The following PLEC variants were observed in gnomAD, a reference collection of about 807,000 sequenced individuals.
PLEC encodes the protein hemidesmosomal protein 1.
Under a neutral mutation model 392.8 loss-of-function variants are expected in PLEC, and 216 were observed. The ratio of observed to expected loss-of-function variants is 0.55; its 90% confidence interval spans 0.49 to 0.62. The LOEUF (loss-of-function observed/expected upper bound fraction) is 0.62, where lower values mean the gene tolerates loss of function less well. PLEC is among the 20% of genes least tolerant of loss of function. The pLI is 0.00. For missense variants in PLEC, 6,863 were observed against 6,563.4 expected, an observed-to-expected ratio of 1.05 and a Z score of -1.58; for synonymous variants, 3,621 against 2,980.6, an observed-to-expected ratio of 1.21 and a Z score of -7.00.
At position 143,938,203 on chromosome 8, in the gene PLEC, C is replaced by T. The variant is rs1478796034; in HGVS notation, c.212G>A (p.Arg71His). 17 of 1,608,006 alleles carry T rather than the reference C, an allele frequency of 1.1e-5. No homozygotes were observed. The highest frequency in any genetic ancestry group is 2.2e-5 in the East Asian group (1 of 44,766). The change falls in exon 3 of 32, where the codon CGC becomes CAC. Residue 71 changes from arginine to histidine, a missense_variant. Physicochemically the swap from Arg to His is conservative, Grantham distance 29 (BLOSUM62 0). Coordinates refer to ENST00000345136, the MANE Select transcript of PLEC (RefSeq NM_201384.3). ...RHISDLYEDL[R>H]DGHNLISLLE... ...CAGGGAGATGAGGTTGTGGCCATCGCGGAGGTCTTCATACAGGTCACTGAT... is the reference window on the plus strand; with the variant it reads ...CAGGGAGATGAGGTTGTGGCCATCGTGGAGGTCTTCATACAGGTCACTGAT...
chr8:143,923,344 C>T lies in PLEC; in HGVS notation c.6585G>A (p.Leu2195=), dbSNP rs1554691966. ...EQELTTLRLQ[L]EETDHQKNLL... Reference sequence around the variant, plus strand: ...GGTTCTTCTGGTGGTCGGTCTCCTCCAGCTGCAGCCGCAGTGTTGTCAGCT... The same window carrying T: ...GGTTCTTCTGGTGGTCGGTCTCCTCTAGCTGCAGCCGCAGTGTTGTCAGCT... The change falls in exon 31 of 32, where the codon CTG becomes CTA. Residue 2195 remains leucine, a synonymous_variant. Coordinates refer to ENST00000345136, the MANE Select transcript of PLEC (RefSeq NM_201384.3). 1 of 1,610,256 alleles carries T rather than the reference C, an allele frequency of 6.2e-7. No individual in the cohort carries two copies. The highest frequency in any genetic ancestry group is 1.7e-5 in the Admixed American group (1 of 59,866).
chr8:143,954,996 C>T (rs1214367042), upstream of PLEC, among the ~76,000 whole-genome samples: 4 of 152,126 alleles, frequency 2.6e-5, no homozygotes, highest in Non-Finnish European at 5.9e-5. The surrounding 1 kb of genome is among the most constrained non-coding windows in gnomAD (Gnocchi z 4.6). Context: ...CGGCAGCTCC[C>T]ACGGGTACGA....
In PLEC at chr8:143,918,374, A is replaced by T; in HGVS notation, c.11447T>A (p.Phe3816Tyr). The change falls in exon 32 of 32, where the codon TTC becomes TAC. Residue 3816 changes from phenylalanine to tyrosine, a missense_variant. By Grantham distance (22) the Phe-to-Tyr change is conservative. Coordinates refer to ENST00000345136, the MANE Select transcript of PLEC (RefSeq NM_201384.3). Reference protein sequence around the residue: ...TGGIVDPRLGFHLPLEVAYQR... With the variant: ...TGGIVDPRLGYHLPLEVAYQR... The stretch of plus-strand genomic sequence containing the variant: ...GTAAGCCACCTCCAGGGGAAGGTGG[A>T]AGCCCAGGCGGGGGTCCACGATGCC... 6.4e-7 allele frequency: 1 copy of T among 1,568,824 alleles called. No individual in the cohort carries two copies. Among genetic ancestry groups the T allele is most frequent in the Non-Finnish European group, 8.6e-7 (1 of 1,163,336 alleles).
rs2131026332 is a variant in PLEC, at chr8:143,919,841, T to C, written c.9980A>G (p.Gln3327Arg). ...CTTGCCGTCCTTGAGCTGCTCAAACTGGGCTCTGCTGAGGACCCCGGAAGC... is the reference window on the plus strand; with the variant it reads ...CTTGCCGTCCTTGAGCTGCTCAAACCGGGCTCTGCTGAGGACCCCGGAAGC... ...LLASGVLSRA[Q>R]FEQLKDGKTT... The change falls in exon 32 of 32, where the codon CAG becomes CGG. Residue 3327 changes from glutamine to arginine, a missense_variant. Physicochemically the swap from Gln to Arg is conservative, Grantham distance 43. Transcript: ENST00000345136. 2 of 1,613,128 alleles carry C rather than the reference T, an allele frequency of 1.2e-6. No homozygotes were observed. Among genetic ancestry groups the C allele is most frequent in the South Asian group, 1.1e-5 (1 of 91,086 alleles).
chr8:143,924,054 G>A lies in PLEC; in HGVS notation c.5875C>T (p.Leu1959=). The change falls in exon 31 of 32, where the codon CTG becomes TTG. Residue 1959 remains leucine (L), a synonymous_variant. Transcript: ENST00000345136. The part of the protein sequence containing the change: ...GRIRSNAEDT[L]RSKEQAELEA... ...AGCTCGGCCTGCTCCTTGCTGCGCA[G>A]CGTGTCCTCCGCGTTGCTGCGGATG... 1.3e-6 allele frequency: 2 copies of A among 1,596,786 alleles called. No individual in the cohort carries two copies. The highest frequency in any genetic ancestry group is 1.3e-5 in the African/African-American group (1 of 74,846).
intron 1 of PLEC, among the ~76,000 whole-genome samples, chr8:143,947,604 G>A (rs1364786944): frequency 6.6e-6 from 1 of 151,812 alleles, no homozygotes; most frequent in Non-Finnish European, 1.5e-5. Context: ...ACAAAAATTA[G>A]CCAGGCATGG....
intron 1 of PLEC, among the ~76,000 whole-genome samples, chr8:143,971,171 G>A (rs577925512): frequency 9.2e-5 from 14 of 152,318 alleles, no homozygotes; most frequent in East Asian, 3.9e-4. Flanking sequence ...GAAGGTCACC[G>A]GAGTGAGGGT....
rs551239875 is a variant in PLEC, at chr8:143,929,333, G to C, written c.3082-52C>G. On this transcript the variant is annotated intron_variant, in intron 24 of 31. Transcript: ENST00000345136. ...CTCATCACCGAGCGCAGCACACAGC[G>C]CCCCTTGAAGGCCAAAGGAGGGAGG... The C allele has an allele frequency of 1.9e-6, 3 of 1,565,940 alleles. No homozygotes were observed. The Middle Eastern group carries it at 5.0e-4, about 262-fold the overall frequency.
upstream of PLEC, among the ~76,000 whole-genome samples, chr8:143,973,887 T>C (rs1833564151): frequency 6.6e-6 from 1 of 151,890 alleles, no homozygotes; most frequent in Non-Finnish European, 1.5e-5. This position sits in a 1 kb window ranked among gnomAD's most constrained non-coding sequence, Gnocchi z 5.6. Flanking sequence ...GCTGAGAACT[T>C]TCCCATTGCA....
rs1389979299 is a variant in PLEC, at chr8:143,965,966, G to A, written c.70+7437C>T. Among the ~76,000 whole-genome samples the A allele has an allele frequency of 3.3e-5, 5 of 152,104 alleles. No individual in the cohort carries two copies. In the East Asian group the frequency reaches 5.8e-4, roughly 18 times the overall value. The stretch of plus-strand genomic sequence containing the variant: ...GCTGCGGCCTAGCCTCCATGTCACC[G>A]CTCTGTCCTGGAGAGGGTTCTCCCT... On this transcript the variant is annotated intron_variant, in intron 1 of 31. Transcript: ENST00000356346.
At chr8:143,936,113 A>T in intron 5 of PLEC, 99 bp from the exon 6 acceptor site, 5 of 1,388,414 alleles carry the variant, frequency 3.6e-6, no homozygotes, top group Non-Finnish European at 4.0e-6. Flanking sequence ...CTCAGCACCC[A>T]GGGGGAGTGC....
rs567478693 is a variant in PLEC at position 143,931,859 on chromosome 8, T to C, written c.2178+78A>G. The C allele has an allele frequency of 1.6e-5, 23 of 1,439,216 alleles. No individual in the cohort carries two copies. The African/African-American group carries it at 2.7e-4, about 17-fold the overall frequency. The allele number at this position is 1,439,216 out of a possible 1,614,324, so 89.2% of individuals were successfully genotyped here. ...CGTCTGCAGACAGGAGGGCTCCTGA[T>C]TGGAGCTGCCGAGGGGGTCCAGGGG... On this transcript the variant is annotated intron_variant, in intron 18 of 31. Coordinates refer to ENST00000345136, the MANE Select transcript of PLEC (RefSeq NM_201384.3).
chr8:143,958,355 C>G (rs1165983321), upstream of PLEC, among the ~76,000 whole-genome samples: 1 of 152,192 alleles, frequency 6.6e-6, no homozygotes, highest in African/African-American at 2.4e-5. The surrounding 1 kb of genome is among the most constrained non-coding windows in gnomAD (Gnocchi z 4.9). Flanking sequence ...TCTCTCCGAG[C>G]CACATCCTTC....
intron 1 of PLEC, among the ~76,000 whole-genome samples, chr8:143,966,736 G>A (rs1833116288): frequency 6.6e-6 from 1 of 152,178 alleles, no homozygotes; most frequent in Admixed American, 6.5e-5. Context: ...TCGGCTCGGG[G>A]GCACAGAAGT....
At chr8:143,952,502 C>T (rs995130452), upstream of PLEC, among the ~76,000 whole-genome samples, 6 of 152,194 alleles carry the variant, frequency 3.9e-5, no homozygotes, top group African/African-American at 1.4e-4. Context: ...GGGTCCAAGC[C>T]TGCCCAGCCC....
chr8:143,953,787 G>A (rs781928232), upstream of PLEC: 20 of 1,611,836 alleles, frequency 1.2e-5, no homozygotes, highest in Admixed American at 1.7e-5. Flanking sequence ...CGCCGGGGCT[G>A]AGGGCGGCTG....
intron 25 of PLEC, among the ~76,000 whole-genome samples, chr8:143,928,561 CACT>C: frequency 1.2e-5 from 1 of 86,614 alleles, no homozygotes; most frequent in Non-Finnish European, 2.2e-5. Flanking sequence ...GCGGCCCTAT[CACT>C]GTGCTGGTTC....
Position 143,921,882 on chromosome 8 carries a change from C to A in PLEC, c.7939G>T (p.Asp2647Tyr). ...GCTGACACCTTCCGCCGCAGGCCATCGAAGCTGTGCTCCGGCTCTGCCTCT... is the reference window on the plus strand; with the variant it reads ...GCTGACACCTTCCGCCGCAGGCCATAGAAGCTGTGCTCCGGCTCTGCCTCT... ...AAEAEPEHSF[D>Y]GLRRKVSAQR... Residue 2647 changes from aspartate (D) to tyrosine (Y), a missense_variant, in exon 32 of 32, where the codon GAT (aspartate) becomes TAT (tyrosine). Coordinates refer to ENST00000345136, the MANE Select transcript of PLEC (RefSeq NM_201384.3). 6.2e-7 allele frequency: 1 copy of A among 1,601,356 alleles called. No homozygotes were observed. The highest frequency in any genetic ancestry group is 8.5e-7 in the Non-Finnish European group (1 of 1,179,704).
In PLEC at chr8:143,923,931, C is replaced by A. The variant is rs782555928; in HGVS notation, c.5998G>T (p.Ala2000Ser). 1 of 1,594,588 alleles carries A rather than the reference C, an allele frequency of 6.3e-7. No individual in the cohort carries two copies. The highest frequency in any genetic ancestry group is 8.5e-7 in the Non-Finnish European group (1 of 1,177,930). Residue 2000 changes from alanine (A) to serine (S), a missense_variant, in exon 31 of 32, where the codon GCC becomes TCC. By Grantham distance (99) the Ala-to-Ser change is moderately conservative. Transcript: ENST00000345136. ...AGCGCCGCCTTCCGCTGCCGTGCGG[C>A]CTCCTCCTCGGCCGCCAGGCTCTTC... ...VQKSLAAEEE[A>S]ARQRKAALEE... is the part of the protein sequence containing the mutation.
Sources: gnomAD v4.1 joint callset for allele counts (sites outside exome capture counted in the v4.1 genomes callset) on GRCh38, gnomAD v4.1.1 for gene constraint, Gnocchi (gnomAD v3.1) non-coding constraint, MANE v1.5 for transcripts, NCBI Gene and HGNC (gene_info 2026-07-23, HGNC 2026-07-21) for gene names.